LRRIQ3: variants seen among roughly 807,000 people sequenced by gnomAD.
LRRIQ3 encodes leucine rich repeats and IQ motif containing 3.
Under a neutral mutation model 59.3 loss-of-function variants are expected in LRRIQ3, and 75 were observed. The ratio of observed to expected loss-of-function variants is 1.26; its 90% confidence interval spans 1.05 to 1.53. The LOEUF is 1.53. Among genes scored for constraint, LRRIQ3 ranks in the 40% most tolerant of loss-of-function variants. The pLI is 0.00. For missense variants in LRRIQ3, 831 were observed against 710.0 expected, an observed-to-expected ratio of 1.17 and a Z score of -1.94; for synonymous variants, 250 against 231.3, an observed-to-expected ratio of 1.08 and a Z score of -0.73.
At chr1:74,107,673 C>G (rs991528210) in intron 5 of LRRIQ3, among the ~76,000 whole-genome samples, 3 of 149,688 alleles carry the variant, frequency 2.0e-5, no homozygotes, top group Non-Finnish European at 3.0e-5. Flanking sequence ...ACAAATGAAG[C>G]CAGCAGAAGA....
Position 74,156,237 on chromosome 1 carries a change from C to A in LRRIQ3, c.574-371G>T, listed in dbSNP as rs1003393204. Among the ~76,000 whole-genome samples, 6 of 152,198 alleles carry A rather than the reference C, an allele frequency of 3.9e-5. No homozygotes were observed. In the South Asian group the frequency reaches 1.2e-3, roughly 32 times the overall value. The stretch of plus-strand genomic sequence containing the variant: ...CCTCTCTCACCATGTGACTTGCCTG[C>A]CTCCCATTCACCTTCCACCATGATT... On this transcript the variant is annotated intron_variant, in intron 3 of 7. Transcript: ENST00000354431.
At chr1:74,187,804 G>A (rs1229139922) in intron 1 of LRRIQ3, among the ~76,000 whole-genome samples, 5 of 152,086 alleles carry the variant, frequency 3.3e-5, no homozygotes, top group African/African-American at 9.7e-5. Flanking sequence ...AAAAAGGAAC[G>A]CTTATACATT....
At chr1:74,101,195 C>G (rs892957623) in intron 5 of LRRIQ3, among the ~76,000 whole-genome samples, 1 of 152,040 alleles carries the variant, frequency 6.6e-6, no homozygotes, top group Admixed American at 6.6e-5. Context: ...CTACAAAGCA[C>G]TCAAACAAAC....
chr1:74,185,038 T>C (rs1461231380), intron 1 of LRRIQ3, among the ~76,000 whole-genome samples: 1 of 152,208 alleles, frequency 6.6e-6, no homozygotes, highest in Non-Finnish European at 1.5e-5. Flanking sequence ...TATGGTTTGG[T>C]TTATTTATCC....
chr1:74,035,090 G>A (rs1653829609), intron 7 of LRRIQ3, among the ~76,000 whole-genome samples: 3 of 151,946 alleles, frequency 2.0e-5, no homozygotes, highest in Non-Finnish European at 2.9e-5. Context: ...TTCAATCTCC[G>A]TGAACAATTT....
Position 74,182,553 on chromosome 1 carries a change from G to A in LRRIQ3, c.558C>T (p.Cys186=). ...AGCCAATTACCTTTCTCAAAGCTGG[G>A]CAGAAATTAAAGAAAAGTCGATGGT... ...ACNHRLFFNF[C]PALRKGTTYE... is the part of the protein sequence containing the mutation. Residue 186 remains cysteine, a synonymous_variant, in exon 3 of 8, where the codon TGC becomes TGT. Transcript: ENST00000354431. 1 of 1,556,610 alleles carries A rather than the reference G, an allele frequency of 6.4e-7. No homozygotes were observed. Among genetic ancestry groups the A allele is most frequent in the Non-Finnish European group, 8.7e-7 (1 of 1,152,416 alleles).
At chr1:74,127,089 G>GTACCATTATATAATAA (rs1553168664) in intron 4 of LRRIQ3, among the ~76,000 whole-genome samples, 1 of 151,784 alleles carries the variant, frequency 6.6e-6, no homozygotes, top group Non-Finnish European at 1.5e-5. Flanking sequence ...ATTGACCTCT[G>GTACCATTATATAATAA]TACCATTATA....
chr1:74,169,674 C>T (rs1266941014), intron 3 of LRRIQ3, among the ~76,000 whole-genome samples: 2 of 152,056 alleles, frequency 1.3e-5, no homozygotes, highest in African/African-American at 2.4e-5. Flanking sequence ...ACCTTAGCCT[C>T]CCAAATAGCT....
chr1:74,062,234 T>C (rs554564055), intron 6 of LRRIQ3, among the ~76,000 whole-genome samples: 3 of 151,952 alleles, frequency 2.0e-5, no homozygotes, highest in Admixed American at 6.6e-5. Context: ...CCATTAAAAA[T>C]TGGGCAAAAG....
chr1:74,087,046 A>G (rs1238326184), intron 5 of LRRIQ3, among the ~76,000 whole-genome samples: 1 of 152,148 alleles, frequency 6.6e-6, no homozygotes, highest in East Asian at 1.9e-4. Flanking sequence ...CTTATATGGA[A>G]GATTAAATAA....
chr1:74,128,217 T>C (rs1646963754), intron 4 of LRRIQ3, among the ~76,000 whole-genome samples: 1 of 152,066 alleles, frequency 6.6e-6, no homozygotes, highest in Non-Finnish European at 1.5e-5. Flanking sequence ...TTAAATCTCT[T>C]TGGTGTACAA....
intron 3 of LRRIQ3, among the ~76,000 whole-genome samples, chr1:74,176,030 T>C (rs1649616924): frequency 6.6e-6 from 1 of 152,210 alleles, no homozygotes; most frequent in Admixed American, 6.5e-5. Flanking sequence ...AAAGTGTATT[T>C]CGTTTACCCA....
rs1258184192 is a variant in LRRIQ3, at chr1:74,041,852, G to A, written c.1079C>T (p.Thr360Ile). 1.9e-6 allele frequency: 3 copies of A among 1,611,594 alleles called. No individual in the cohort carries two copies. Among genetic ancestry groups the A allele is most frequent in the Admixed American group, 1.7e-5 (1 of 59,582 alleles). The stretch of plus-strand genomic sequence containing the variant: ...TGCATTATTCTTCAATGAACCTGAA[G>A]TGTATATGGGTAGTTTGAAAACTGA... The part of the protein sequence containing the change: ...RISVFKLPIY[T>I]SGSLKNNAVL... Residue 360 changes from threonine (T) to isoleucine (I), a missense_variant, in exon 7 of 8, where the codon ACT becomes ATT. Coordinates refer to ENST00000354431, the MANE Select transcript of LRRIQ3 (RefSeq NM_001105659.2).
chr1:74,109,239 A>C, intron 5 of LRRIQ3, 155 bp downstream of exon 5: 1 of 628,288 alleles, frequency 1.6e-6, no homozygotes, highest in Non-Finnish European at 2.8e-6. Context: ...TTACATTACT[A>C]TATAACTTTT....
intron 6 of LRRIQ3, among the ~76,000 whole-genome samples, chr1:74,044,677 G>A (rs1270653546): frequency 6.6e-6 from 1 of 152,042 alleles, no homozygotes; most frequent in Non-Finnish European, 1.5e-5. Flanking sequence ...GAATCCAGGA[G>A]CTGGATTTTT....
chr1:74,145,026 C>A (rs1329086093), intron 4 of LRRIQ3, among the ~76,000 whole-genome samples: 1 of 152,012 alleles, frequency 6.6e-6, no homozygotes. Flanking sequence ...ATGATCTATG[C>A]ATACAAAAAT....
intron 7 of LRRIQ3, among the ~76,000 whole-genome samples, chr1:74,032,702 T>C (rs575928285): frequency 6.6e-6 from 1 of 152,216 alleles, no homozygotes; most frequent in African/African-American, 2.4e-5. Flanking sequence ...CTTAATTACA[T>C]ATTTAAAGTC....
chr1:74,063,138 AC>A (rs1455701273), intron 6 of LRRIQ3, among the ~76,000 whole-genome samples: 6 of 151,450 alleles, frequency 4.0e-5, no homozygotes, highest in Non-Finnish European at 7.4e-5. Flanking sequence ...AACAACAACA[AC>A]AACAACAACA....
At chr1:74,150,433 A>T (rs529885237) in intron 4 of LRRIQ3, among the ~76,000 whole-genome samples, 1 of 152,142 alleles carries the variant, frequency 6.6e-6, no homozygotes. Flanking sequence ...GCTTCAGGAA[A>T]TTGTAATATA....
Sources: allele counts gnomAD v4.1 joint callset (sites outside exome capture counted in the v4.1 genomes callset), GRCh38; gene constraint gnomAD v4.1.1; transcripts MANE v1.5; gene names NCBI Gene and HGNC (gene_info 2026-07-23, HGNC 2026-07-21).